The following DENND1A variants were observed in gnomAD, a reference collection of about 807,000 sequenced individuals.
DENND1A encodes DENN domain-containing protein 1A.
DENND1A carries 51 observed loss-of-function variants against 113.7 expected under a neutral mutation model. That is an observed-to-expected ratio of 0.45 (90% CI 0.36 to 0.57). DENND1A has a LOEUF of 0.57. DENND1A is among the 20% of genes least tolerant of loss of function. The probability of loss-of-function intolerance (pLI) is 0.00; values close to 1 mark genes in which losing one functional copy is unlikely to be tolerated. For missense variants in DENND1A, 1,258 were observed against 1,395.9 expected (o/e 0.90, Z 1.57); for synonymous variants, 565 against 570.8 (o/e 0.99, Z 0.14).
chr9:123,918,217 G>A lies in DENND1A; in HGVS notation c.17+11672C>T, dbSNP rs574079276. On this transcript the variant is annotated intron_variant, in intron 1 of 23. Coordinates refer to ENST00000394215, the MANE Select transcript of DENND1A (RefSeq NM_001352964.2). ...AATTCCCACTGGACAGGCCGGGCGT[G>A]GTGGCTCATGCCTGTAATTCCAGCA... Among the ~76,000 whole-genome samples the A allele has an allele frequency of 3.7e-3, 562 of 150,284 alleles. 6 individuals carry two copies. Among genetic ancestry groups the A allele is most frequent in the Admixed American group, 9.2e-3 (139 of 15,082 alleles).
intron 19 of DENND1A, among the ~76,000 whole-genome samples, chr9:123,420,836 T>C (rs1416321131): frequency 5.3e-5 from 6 of 114,100 alleles, no homozygotes; most frequent in East Asian, 2.4e-4. Flanking sequence ...CGGGTGACCC[T>C]AGCCGCTTGG....
intron 13 of DENND1A, among the ~76,000 whole-genome samples, chr9:123,491,593 G>C (rs904404432): frequency 1.3e-5 from 2 of 152,160 alleles, no homozygotes; most frequent in African/African-American, 4.8e-5. Context: ...AGAAGAAGAA[G>C]GGTCTCTGAG....
intron 1 of DENND1A, among the ~76,000 whole-genome samples, chr9:123,920,451 T>C (rs772405696): frequency 2.0e-5 from 3 of 152,190 alleles, no homozygotes; most frequent in Admixed American, 6.5e-5. Flanking sequence ...AAAAACACTT[T>C]AAAAAGACTG....
At chr9:123,588,224 G>A (rs573653653) in intron 11 of DENND1A, among the ~76,000 whole-genome samples, 33 of 140,958 alleles carry the variant, frequency 2.3e-4, no homozygotes, top group East Asian at 8.4e-4. Flanking sequence ...GCAGTGAGCC[G>A]AGATTCAGCC....
chr9:123,387,634 A>G, intron 22 of DENND1A, 96 bp downstream of exon 22: 191 of 710,518 alleles, frequency 2.7e-4, no homozygotes, highest in Non-Finnish European at 3.6e-4. Context: ...CCTCCCCCCG[A>G]CACAAAGGCA....
chr9:123,720,009 T>C (rs1338713682), intron 5 of DENND1A, among the ~76,000 whole-genome samples: 4 of 152,230 alleles, frequency 2.6e-5, no homozygotes, highest in African/African-American at 9.6e-5. Context: ...CCTTTCACCA[T>C]GCCATGCTGC....
chr9:123,567,712 T>C (rs1423432328), intron 12 of DENND1A, among the ~76,000 whole-genome samples: 1 of 152,148 alleles, frequency 6.6e-6, no homozygotes, highest in Non-Finnish European at 1.5e-5. Flanking sequence ...CTCTGGCAAA[T>C]TGAATGACAT....
Position 123,812,464 on chromosome 9 carries a change from T to C in DENND1A, c.89-19834A>G, listed in dbSNP as rs575924709. Among the ~76,000 whole-genome samples, 36 of 152,246 alleles carry C rather than the reference T, an allele frequency of 2.4e-4. No individual in the cohort carries two copies. The South Asian group carries it at 6.8e-3, about 29-fold the overall frequency. On this transcript the variant is annotated intron_variant, in intron 2 of 23. Transcript: ENST00000394215. ...AAAAAGATGCTATGAACATTCTTGA[T>C]ATGACACTTTGTACACAAATGAGAA...
rs755409308 is a variant in DENND1A at position 123,457,852 on chromosome 9, G to C, written c.1039C>G (p.Arg347Gly). 1.2e-6 allele frequency: 2 copies of C among 1,612,612 alleles called. No individual in the cohort carries two copies. Among genetic ancestry groups the C allele is most frequent in the Non-Finnish European group, 1.7e-6 (2 of 1,179,450 alleles). ...AGGAACTGCCTCATGGCTCCGGAGC[G>C]GTAGTGGGACACGAAGGCTTCCTCA... ...FCEEAFVSHY[R>G]SGAMRQFLQN... is the part of the protein sequence containing the mutation. The change falls in exon 14 of 24, where the codon CGC (arginine) becomes GGC (glycine). Residue 347 changes from arginine to glycine, a missense_variant. Arg to Gly is a moderately radical substitution (Grantham distance 125). This residue lies in a region of DENND1A where 1,159 missense variants were observed against 1,231.7 expected (regional missense o/e 0.94). Transcript: ENST00000394215.
chr9:123,618,570 T>G (rs1589377659), intron 10 of DENND1A, among the ~76,000 whole-genome samples: 1 of 151,782 alleles, frequency 6.6e-6, no homozygotes, highest in South Asian at 2.1e-4. Context: ...CTGGGGAAGG[T>G]GGGAGCGGCA....
At chr9:123,401,624 A>G in intron 21 of DENND1A, 2 of 1,437,352 alleles carry the variant, frequency 1.4e-6, no homozygotes, top group East Asian at 2.5e-5. Context: ...AACCCCAAAT[A>G]TTTTCCAACA....
chr9:123,594,260 T>C (rs1701308183), intron 11 of DENND1A, among the ~76,000 whole-genome samples: 1 of 152,154 alleles, frequency 6.6e-6, no homozygotes, highest in African/African-American at 2.4e-5. Context: ...GCATCCATCA[T>C]CTTACTGACA....
chr9:123,829,045 T>TAAA (rs1273364202), intron 2 of DENND1A, among the ~76,000 whole-genome samples: 1 of 152,220 alleles, frequency 6.6e-6, no homozygotes, highest in East Asian at 1.9e-4. Flanking sequence ...CATATGCTTT[T>TAAA]AAGCATCACA....
intron 5 of DENND1A, among the ~76,000 whole-genome samples, chr9:123,719,107 AG>A (rs2067166208): frequency 6.6e-6 from 1 of 152,214 alleles, no homozygotes; most frequent in South Asian, 2.1e-4. Flanking sequence ...AGGCCTCCCC[AG>A]GCATGAGGAA....
At chr9:123,717,518 C>T (rs996297701) in intron 5 of DENND1A, among the ~76,000 whole-genome samples, 6 of 152,174 alleles carry the variant, frequency 3.9e-5, no homozygotes, top group African/African-American at 1.4e-4. Flanking sequence ...CAAAACCTAA[C>T]GTACTTCCTG....
chr9:123,844,905 C>T (rs1046884504), intron 2 of DENND1A, among the ~76,000 whole-genome samples: 3 of 152,040 alleles, frequency 2.0e-5, no homozygotes, highest in Non-Finnish European at 4.4e-5. Flanking sequence ...TTGCAATTGT[C>T]AATTACAATT....
intron 13 of DENND1A, among the ~76,000 whole-genome samples, chr9:123,471,956 C>T (rs1029848968): frequency 3.3e-5 from 5 of 152,210 alleles, no homozygotes; most frequent in African/African-American, 9.6e-5. Context: ...GATTCTGTAC[C>T]GCCCAGGGGC....
intron 15 of DENND1A, among the ~76,000 whole-genome samples, chr9:123,456,452 A>T (rs2048131902): frequency 6.6e-6 from 1 of 152,174 alleles, no homozygotes; most frequent in East Asian, 1.9e-4. Flanking sequence ...AAAAATGAGA[A>T]GACAAGACCT....
At chr9:123,446,743 G>A (rs1169197632) in intron 18 of DENND1A, among the ~76,000 whole-genome samples, 1 of 152,036 alleles carries the variant, frequency 6.6e-6, no homozygotes, top group Non-Finnish European at 1.5e-5. Flanking sequence ...CTTGAGCCTG[G>A]GAAGTCAAGG....
Sources: allele counts gnomAD v4.1 joint callset (sites outside exome capture counted in the v4.1 genomes callset), GRCh38; gene constraint gnomAD v4.1.1; regional missense constraint gnomAD v4.1.1; transcripts MANE v1.5; gene names NCBI Gene and HGNC (gene_info 2026-07-23, HGNC 2026-07-21).